The following CRTAC1 variants were observed in gnomAD, a reference collection of about 807,000 sequenced individuals.
CRTAC1 encodes the protein acidic secreted protein in cartilage.
Under a neutral mutation model 67.8 loss-of-function variants are expected in CRTAC1, and 37 were observed. That is an observed-to-expected ratio of 0.55 (90% CI 0.42 to 0.72). The LOEUF (loss-of-function observed/expected upper bound fraction) is 0.72, where lower values mean the gene tolerates loss of function less well. CRTAC1 is among the 30% of genes least tolerant of loss of function. The probability of loss-of-function intolerance (pLI) is 0.00; values close to 1 mark genes in which losing one functional copy is unlikely to be tolerated. For synonymous variants in CRTAC1, 348 were observed against 371.0 expected (o/e 0.94, Z 0.71); for missense variants, 780 against 931.6 (o/e 0.84, Z 2.12).
At chr10:97,962,801 C>T (rs1020387632) in intron 2 of CRTAC1, among the ~76,000 whole-genome samples, 3 of 150,356 alleles carry the variant, frequency 2.0e-5, no homozygotes, top group African/African-American at 7.4e-5. Context: ...AAATTCAGTA[C>T]ACACCCCGGG....
chr10:97,976,792 G>C (rs775719678), intron 2 of CRTAC1, among the ~76,000 whole-genome samples: 4 of 152,122 alleles, frequency 2.6e-5, no homozygotes, highest in Non-Finnish European at 5.9e-5. Flanking sequence ...GTGTCTACAG[G>C]TTCAACTGTA....
chr10:97,915,734 A>G (rs1423827094), intron 5 of CRTAC1, among the ~76,000 whole-genome samples: 1 of 152,126 alleles, frequency 6.6e-6, no homozygotes, highest in African/African-American at 2.4e-5. Flanking sequence ...CGGGCAGGGA[A>G]AGGGTGGGCT....
chr10:97,936,564 G>A (rs370527342), intron 2 of CRTAC1, among the ~76,000 whole-genome samples, 198 bp from the exon 3 acceptor site: 55 of 152,288 alleles, frequency 3.6e-4, no homozygotes, highest in African/African-American at 1.2e-3. Flanking sequence ...CAGATTTTGC[G>A]CCCGGGCGCA....
intron 3 of CRTAC1, among the ~76,000 whole-genome samples, chr10:97,924,194 C>G (rs2050881127): frequency 6.6e-6 from 1 of 152,182 alleles, no homozygotes; most frequent in Non-Finnish European, 1.5e-5. Context: ...GAGGGAATAA[C>G]TGCTGGTTGC....
At chr10:97,905,366 GC>G (rs2050597670) in intron 6 of CRTAC1, among the ~76,000 whole-genome samples, 8 of 152,102 alleles carry the variant, frequency 5.3e-5, no homozygotes, top group Admixed American at 5.2e-4. Flanking sequence ...TACCTGGGAT[GC>G]TCTCCCTCTA....
rs116104960 is a variant in CRTAC1 at position 98,026,062 on chromosome 10, C to T, written c.24+4387G>A. On this transcript the variant is annotated intron_variant, in intron 1 of 14. Transcript: ENST00000370597. ...CTCACTCACTGGGAAAAAGAAGACT[C>T]GGGGGTTCCCAGTGATTCAGCAATA... 2.2e-3 allele frequency among the ~76,000 whole-genome samples: 331 copies of T among 152,296 alleles called. 5 individuals are homozygous for T. Among genetic ancestry groups the T allele is most frequent in the Middle Eastern group, 0.01 (3 of 294 alleles).
chr10:97,908,282 C>G lies in CRTAC1; in HGVS notation c.716-135G>C, dbSNP rs1411959460. 6 of 908,034 alleles carry G rather than the reference C, an allele frequency of 6.6e-6. No individual in the cohort carries two copies. In the Admixed American group the frequency reaches 1.4e-4, roughly 21 times the overall value. 56.2% of individuals were successfully genotyped at this position (908,034 alleles called of 1,614,324 possible). A position where few individuals can be genotyped will look rare whatever the true frequency, so the allele number is the denominator to read the frequency against. Reference sequence around the variant, plus strand: ...GGAGCCTGGGGGGAATTCTGCTTCCCGTGCTTTCCTGAGCCTAAATCTGGG... The same window carrying G: ...GGAGCCTGGGGGGAATTCTGCTTCCGGTGCTTTCCTGAGCCTAAATCTGGG... On this transcript the variant is annotated intron_variant, in intron 5 of 14. Coordinates refer to ENST00000370597, the MANE Select transcript of CRTAC1 (RefSeq NM_018058.7).
chr10:97,882,803 T>C lies in CRTAC1; in HGVS notation c.1658A>G (p.Glu553Gly), dbSNP rs1304633639. ...CAACTCACCCATGCAATGGCCATTT[T>C]CCTGCTGGGAGAATCCTTGGCCACA... is the stretch of plus-strand genomic sequence containing the variant. ...LECGQGFSQQ[E>G]NGHCMDTNEC... Residue 553 changes from glutamate (E) to glycine (G), a missense_variant, in exon 13 of 15, where the codon GAA (glutamate) becomes GGA (glycine). Glu to Gly is a moderately conservative substitution (Grantham distance 98). Coordinates refer to ENST00000370597, the MANE Select transcript of CRTAC1 (RefSeq NM_018058.7). 4 of 1,614,098 alleles carry C rather than the reference T, an allele frequency of 2.5e-6. No individual in the cohort carries two copies. Among genetic ancestry groups the C allele is most frequent in the Non-Finnish European group, 3.4e-6 (4 of 1,180,050 alleles).
intron 11 of CRTAC1, 110 bp from the exon 12 acceptor site, chr10:97,884,461 T>TTA: frequency 9.8e-7 from 1 of 1,025,006 alleles, no homozygotes; most frequent in Non-Finnish European, 1.4e-6. Flanking sequence ...AATTGAGCAC[T>TTA]GTTCTAAGTG....
chr10:98,006,993 A>C (rs2136690615), intron 2 of CRTAC1, among the ~76,000 whole-genome samples: 1 of 152,344 alleles, frequency 6.6e-6, no homozygotes, highest in Non-Finnish European at 1.5e-5. Context: ...AAGAGTCAAA[A>C]TCAGAAATGT....
chr10:97,971,946 G>A (rs745362617), intron 2 of CRTAC1, among the ~76,000 whole-genome samples: 12 of 152,148 alleles, frequency 7.9e-5, no homozygotes, highest in Non-Finnish European at 1.2e-4. Context: ...CGTGTCCAGC[G>A]TGCCTTTTAC....
intron 3 of CRTAC1, among the ~76,000 whole-genome samples, chr10:97,927,684 C>A (rs1351378371): frequency 6.6e-6 from 1 of 152,224 alleles, no homozygotes. Context: ...CCTTGTAGAT[C>A]ATAAATGGGA....
intron 2 of CRTAC1, among the ~76,000 whole-genome samples, chr10:97,997,490 G>A (rs1486386921): frequency 2.0e-5 from 3 of 147,708 alleles, no homozygotes; most frequent in African/African-American, 7.4e-5. Flanking sequence ...TTTCAATTTA[G>A]GCCCACAGAA....
At chr10:97,990,739 C>T (rs574900483) in intron 2 of CRTAC1, among the ~76,000 whole-genome samples, 3 of 152,150 alleles carry the variant, frequency 2.0e-5, no homozygotes, top group Non-Finnish European at 2.9e-5. Context: ...CAGCAAGGTG[C>T]CTTGCACATG....
chr10:97,935,974 G>A (rs370846480), intron 3 of CRTAC1, among the ~76,000 whole-genome samples, 196 bp downstream of exon 3: 129 of 152,276 alleles, frequency 8.5e-4, no homozygotes, highest in African/African-American at 3.0e-3. Flanking sequence ...TTCAGGAGAT[G>A]AGACCTACAG....
intron 2 of CRTAC1, among the ~76,000 whole-genome samples, chr10:98,007,861 C>T (rs1291589891): frequency 6.6e-6 from 1 of 152,112 alleles, no homozygotes; most frequent in Non-Finnish European, 1.5e-5. Context: ...AGGCACATTT[C>T]TTGAAAGAGA....
chr10:97,929,227 A>G (rs2050966988), intron 3 of CRTAC1, among the ~76,000 whole-genome samples: 1 of 152,152 alleles, frequency 6.6e-6, no homozygotes, highest in South Asian at 2.1e-4. Context: ...AAGAGGCATG[A>G]CTGCTTACAG....
intron 2 of CRTAC1, among the ~76,000 whole-genome samples, chr10:97,979,525 G>C (rs1327664242): frequency 6.6e-6 from 1 of 152,118 alleles, no homozygotes; most frequent in African/African-American, 2.4e-5. Context: ...TTCTTCTTTC[G>C]GCCCTTACAT....
intron 2 of CRTAC1, among the ~76,000 whole-genome samples, chr10:97,947,306 G>A (rs1280755308): frequency 6.6e-6 from 1 of 152,194 alleles, no homozygotes; most frequent in Non-Finnish European, 1.5e-5. Flanking sequence ...AGCAAATAAG[G>A]AGTGGTCCCA....
Sources: gnomAD v4.1 joint callset for allele counts (sites outside exome capture counted in the v4.1 genomes callset) on GRCh38, gnomAD v4.1.1 for gene constraint, MANE v1.5 for transcripts, NCBI Gene and HGNC (gene_info 2026-07-23, HGNC 2026-07-21) for gene names.